The following ATF6 variants were observed in gnomAD, a reference collection of about 807,000 sequenced individuals.
The protein encoded by ATF6 is activating transcription factor 6.
Under a neutral mutation model 83.6 loss-of-function variants are expected in ATF6, and 53 were observed. That is an observed-to-expected ratio of 0.63 (90% confidence interval 0.51 to 0.80). ATF6 has a LOEUF of 0.80. ATF6 is among the 30% of genes least tolerant of loss of function. The pLI, the probability that ATF6 is intolerant of heterozygous loss-of-function variation, is 0.00. For missense variants in ATF6, 744 were observed against 797.9 expected, an observed-to-expected ratio of 0.93 and a Z score of 0.81; for synonymous variants, 288 against 285.8, an observed-to-expected ratio of 1.01 and a Z score of -0.08.
In ATF6 at chr1:161,852,953, C is replaced by A. The variant is rs976362792; in HGVS notation, c.1434-271C>A. Among the ~76,000 whole-genome samples the A allele has an allele frequency of 3.9e-5, 6 of 152,098 alleles. No homozygotes were observed. In the South Asian group the frequency reaches 1.2e-3, roughly 31 times the overall value. ...TTTTTTGGTGGAAAAACCTTAGCATCCAGTGTTTATATTTGGGAGGTATTT... is the reference window on the plus strand; with the variant it reads ...TTTTTTGGTGGAAAAACCTTAGCATACAGTGTTTATATTTGGGAGGTATTT... On this transcript the variant is annotated intron_variant, in intron 11 of 15. Transcript: ENST00000367942.
chr1:161,945,647 T>A (rs1284964679), intron 15 of ATF6, among the ~76,000 whole-genome samples: 1 of 152,212 alleles, frequency 6.6e-6, no homozygotes, highest in Non-Finnish European at 1.5e-5. Flanking sequence ...GTTTGTTAAT[T>A]TGTGTTAGAT....
intron 7 of ATF6, among the ~76,000 whole-genome samples, chr1:161,815,184 A>G (rs1020690479): frequency 6.2e-5 from 6 of 96,454 alleles, no homozygotes; most frequent in African/African-American, 2.8e-4. Context: ...TCCCATTTTA[A>G]TTTTTTTTTT....
chr1:161,845,589 G>A (rs1686465943), intron 9 of ATF6, among the ~76,000 whole-genome samples: 1 of 151,890 alleles, frequency 6.6e-6, no homozygotes, highest in Admixed American at 6.6e-5. Flanking sequence ...GCAACATAGT[G>A]AGACCTCATT....
chr1:161,788,933 T>C (rs1038651946), intron 4 of ATF6, among the ~76,000 whole-genome samples: 20 of 152,174 alleles, frequency 1.3e-4, no homozygotes, highest in African/African-American at 4.6e-4. Flanking sequence ...AGAAAATTTC[T>C]AGGTATTTTG....
chr1:161,949,808 C>T (rs1688826143), intron 15 of ATF6, among the ~76,000 whole-genome samples: 1 of 152,194 alleles, frequency 6.6e-6, no homozygotes, highest in Non-Finnish European at 1.5e-5. Context: ...AGATCTGCCC[C>T]ATGACCCAAA....
intron 15 of ATF6, among the ~76,000 whole-genome samples, chr1:161,926,712 G>A (rs188816003): frequency 9.9e-5 from 15 of 152,236 alleles, no homozygotes; most frequent in Non-Finnish European, 1.5e-4. Context: ...GCATCCTAGA[G>A]GCTGCCTTCC....
chr1:161,768,678 C>G (rs1425521137), intron 1 of ATF6, among the ~76,000 whole-genome samples: 2 of 152,116 alleles, frequency 1.3e-5, no homozygotes, highest in African/African-American at 4.8e-5. Flanking sequence ...ATCCTTCCAT[C>G]TGAGCCTCCT....
chr1:161,867,328 A>G (rs1687028826), intron 14 of ATF6, among the ~76,000 whole-genome samples: 1 of 152,084 alleles, frequency 6.6e-6, no homozygotes, highest in South Asian at 2.1e-4. Context: ...TAGTCTATTT[A>G]GGGAGGGAGG....
At chr1:161,889,198 C>T (rs1687496563) in intron 14 of ATF6, among the ~76,000 whole-genome samples, 1 of 152,154 alleles carries the variant, frequency 6.6e-6, no homozygotes, top group Non-Finnish European at 1.5e-5. Context: ...TAATGCATTC[C>T]CCAAGTTCCC....
intron 14 of ATF6, chr1:161,891,351 A>C (rs1687551260): frequency 6.6e-6 from 1 of 152,284 alleles, no homozygotes; most frequent in African/African-American, 2.4e-5. Context: ...GCTTATCCTG[A>C]AGGTGCAGGA....
intron 15 of ATF6, among the ~76,000 whole-genome samples, chr1:161,944,018 A>G (rs1355233576): frequency 6.6e-6 from 1 of 152,198 alleles, no homozygotes; most frequent in East Asian, 1.9e-4. Context: ...TAAATATTTG[A>G]TGAATGAAAA....
At chr1:161,869,526 GA>G (rs1004334277) in intron 14 of ATF6, among the ~76,000 whole-genome samples, 2 of 151,390 alleles carry the variant, frequency 1.3e-5, no homozygotes, top group Middle Eastern at 3.4e-3. Flanking sequence ...ATTCTAGCTG[GA>G]AAAAAAAGTG....
chr1:161,877,179 T>G (rs1419252941), intron 14 of ATF6, among the ~76,000 whole-genome samples: 2 of 152,080 alleles, frequency 1.3e-5, no homozygotes, highest in African/African-American at 4.8e-5. Context: ...GAAAATAGTT[T>G]TTCAGGAAGT....
chr1:161,898,740 G>T (rs1055469157), intron 14 of ATF6, among the ~76,000 whole-genome samples: 1 of 151,998 alleles, frequency 6.6e-6, no homozygotes, highest in Non-Finnish European at 1.5e-5. Context: ...TAGAGACAGG[G>T]TTTTACCACG....
chr1:161,836,717 C>G (rs1157361435), intron 9 of ATF6, among the ~76,000 whole-genome samples: 1 of 152,178 alleles, frequency 6.6e-6, no homozygotes, highest in Admixed American at 6.5e-5. Context: ...CTAGTTTTGG[C>G]TTTCATGTGA....
intron 14 of ATF6, among the ~76,000 whole-genome samples, chr1:161,886,676 G>GCGGT: frequency 6.6e-6 from 1 of 152,260 alleles, no homozygotes; most frequent in African/African-American, 2.4e-5. Flanking sequence ...CATAGTACAT[G>GCGGT]CGGTCCATTG....
At chr1:161,952,204 A>G (rs1048695251) in intron 15 of ATF6, among the ~76,000 whole-genome samples, 1 of 152,076 alleles carries the variant, frequency 6.6e-6, no homozygotes, top group Non-Finnish European at 1.5e-5. Context: ...TCCCAAGCCT[A>G]CAGGTTCTAG....
intron 9 of ATF6, among the ~76,000 whole-genome samples, chr1:161,825,008 A>G (rs1464654673): frequency 1.3e-5 from 2 of 152,226 alleles, no homozygotes; most frequent in African/African-American, 4.8e-5. Flanking sequence ...ACACTGAGCA[A>G]TTCTCCAATT....
At chr1:161,866,327 C>T (rs1260661365) in intron 14 of ATF6, among the ~76,000 whole-genome samples, 3 of 152,240 alleles carry the variant, frequency 2.0e-5, no homozygotes, top group Non-Finnish European at 2.9e-5. Flanking sequence ...CTCCCTCACA[C>T]CCTGCATTCC....
Sources: allele counts gnomAD v4.1 joint callset (sites outside exome capture counted in the v4.1 genomes callset), GRCh38; gene constraint gnomAD v4.1.1; transcripts MANE v1.5; gene names NCBI Gene and HGNC (gene_info 2026-07-23, HGNC 2026-07-21).